RPH3A: variants seen among roughly 807,000 people sequenced by gnomAD.
The protein encoded by RPH3A is rabphilin 3A.
A neutral mutation model predicts 102.2 loss-of-function variants in RPH3A; 48 were observed. The observed-to-expected ratio is 0.47, with a 90% CI of 0.37 to 0.60. RPH3A has a LOEUF of 0.60. Among genes scored for constraint, RPH3A ranks in the 20% least tolerant of loss-of-function variants. The pLI, the probability that RPH3A is intolerant of heterozygous loss-of-function variation, is 0.00. For synonymous variants in RPH3A, 310 were observed against 324.3 expected (o/e 0.96, Z 0.47); for missense variants, 781 against 910.1 (o/e 0.86, Z 1.83).
chr12:112,861,129 C>A (rs2042505779), intron 5 of RPH3A, among the ~76,000 whole-genome samples: 1 of 152,186 alleles, frequency 6.6e-6, no homozygotes, highest in Non-Finnish European at 1.5e-5. Context: ...CACCATGCTG[C>A]CACAGAGGTT....
chr12:112,694,671 C>T (rs1367423857), intron 1 of RPH3A, among the ~76,000 whole-genome samples: 1 of 148,022 alleles, frequency 6.8e-6, no homozygotes, highest in Non-Finnish European at 1.5e-5. Context: ...CACACACACA[C>T]ACACACACAC....
At chr12:112,733,470 A>G (rs988160047) in intron 1 of RPH3A, among the ~76,000 whole-genome samples, 5 of 152,148 alleles carry the variant, frequency 3.3e-5, no homozygotes, top group African/African-American at 1.2e-4. Flanking sequence ...AGGAGTGTGC[A>G]GGGGAAGCCT....
intron 1 of RPH3A, among the ~76,000 whole-genome samples, chr12:112,587,329 T>C (rs1306280788): frequency 6.6e-6 from 1 of 152,238 alleles, no homozygotes; most frequent in Non-Finnish European, 1.5e-5. Flanking sequence ...GGCAAGTTCA[T>C]AGTCTTAATA....
intron 1 of RPH3A, among the ~76,000 whole-genome samples, chr12:112,701,177 C>G (rs2040391340): frequency 6.6e-6 from 1 of 152,122 alleles, no homozygotes; most frequent in African/African-American, 2.4e-5. Flanking sequence ...TTTCAACCAT[C>G]AAAGCCACAG....
chr12:112,717,800 C>T (rs2040524251), intron 1 of RPH3A, among the ~76,000 whole-genome samples: 1 of 149,698 alleles, frequency 6.7e-6, no homozygotes, highest in African/African-American at 2.5e-5. Context: ...TTAACTTTAT[C>T]ACAAATTGCC....
rs150074118 is a variant in RPH3A, at chr12:112,711,869, G to C, written c.-139-80274G>C. Among the ~76,000 whole-genome samples, 296 of 152,150 alleles carry C rather than the reference G, an allele frequency of 1.9e-3. 3 individuals are homozygous for C. Among genetic ancestry groups the C allele is most frequent in the African/African-American group, 7.0e-3 (289 of 41,500 alleles). Reference sequence around the variant, plus strand: ...TTTTTTGAGACAGAGTTTTGTTCTTGTTGCCCAGGCTGGAGTGCAATGGTG... The same window carrying C: ...TTTTTTGAGACAGAGTTTTGTTCTTCTTGCCCAGGCTGGAGTGCAATGGTG... On this transcript the variant is annotated intron_variant, in intron 1 of 21. Transcript: ENST00000543106.
At chr12:112,806,792 C>T (rs920281128) in intron 2 of RPH3A, among the ~76,000 whole-genome samples, 2 of 151,972 alleles carry the variant, frequency 1.3e-5, no homozygotes. Context: ...TAGCATCTTC[C>T]TGTGAGCAGG....
At chr12:112,736,308 C>A (rs1382053467) in intron 1 of RPH3A, among the ~76,000 whole-genome samples, 1 of 152,226 alleles carries the variant, frequency 6.6e-6, no homozygotes, top group African/African-American at 2.4e-5. Flanking sequence ...TGTTTGAGAA[C>A]CATTGCTTAG....
intron 3 of RPH3A, among the ~76,000 whole-genome samples, chr12:112,829,422 C>T (rs1033519149): frequency 5.9e-5 from 9 of 152,012 alleles, no homozygotes; most frequent in Non-Finnish European, 1.2e-4. Context: ...AGGCATGCAC[C>T]ACCACGCCTG....
chr12:112,870,840 G>A (rs1419474004), intron 10 of RPH3A, among the ~76,000 whole-genome samples: 1 of 152,214 alleles, frequency 6.6e-6, no homozygotes, highest in East Asian at 1.9e-4. Flanking sequence ...CTATGGTTCA[G>A]ATGAACAGAG....
intron 1 of RPH3A, among the ~76,000 whole-genome samples, chr12:112,661,496 T>C (rs1375881541): frequency 6.6e-6 from 1 of 152,196 alleles, no homozygotes; most frequent in Non-Finnish European, 1.5e-5. Context: ...AAGTGGTTGG[T>C]AAATGTGCAC....
intron 1 of RPH3A, among the ~76,000 whole-genome samples, chr12:112,614,769 G>T (rs1592908187): frequency 7.0e-6 from 1 of 143,666 alleles, no homozygotes; most frequent in Admixed American, 7.0e-5. Flanking sequence ...TTGAATGTTA[G>T]ATATCACTAC....
intron 1 of RPH3A, among the ~76,000 whole-genome samples, chr12:112,637,572 A>G (rs1199309945): frequency 6.6e-6 from 1 of 152,178 alleles, no homozygotes; most frequent in African/African-American, 2.4e-5. Context: ...GGATGGTTAT[A>G]TATGTTTGAA....
At chr12:112,890,728 C>A in intron 18 of RPH3A, 121 bp from the exon 19 acceptor site, 1 of 1,092,228 alleles carries the variant, frequency 9.2e-7, no homozygotes, top group Non-Finnish European at 1.3e-6. Context: ...GTCCCTGGTA[C>A]TGGCTCCCTA....
intron 1 of RPH3A, among the ~76,000 whole-genome samples, chr12:112,785,292 A>G (rs1310396910): frequency 3.3e-5 from 5 of 152,036 alleles, no homozygotes; most frequent in Non-Finnish European, 7.4e-5. Flanking sequence ...CAAACCTAGC[A>G]TACCCAGAGG....
upstream of RPH3A, among the ~76,000 whole-genome samples, chr12:112,790,725 C>G (rs898182944): frequency 2.6e-5 from 4 of 152,176 alleles, no homozygotes; most frequent in African/African-American, 9.7e-5. Flanking sequence ...CTTCAGAAAG[C>G]CAGTCTGGAT....
intron 1 of RPH3A, among the ~76,000 whole-genome samples, chr12:112,750,669 C>G (rs2040780526): frequency 6.6e-6 from 1 of 152,170 alleles, no homozygotes; most frequent in South Asian, 2.1e-4. Context: ...TCCAACTCCC[C>G]TCTTGAAACA....
At chr12:112,765,349 G>A (rs1794828117) in intron 1 of RPH3A, among the ~76,000 whole-genome samples, 1 of 150,936 alleles carries the variant, frequency 6.6e-6, no homozygotes, top group South Asian at 2.1e-4. Flanking sequence ...CTAAATTTTG[G>A]CTCTGACAAG....
Position 112,666,883 on chromosome 12 carries a change from T to A in RPH3A, c.-140+91564T>A, listed in dbSNP as rs573694121. ...GGGTTTTATTTTCATCATGACTGAT[T>A]TCCAGTCAGCAAGGACTTAGCTTTA... On this transcript the variant is annotated intron_variant, in intron 1 of 21. Coordinates refer to the RPH3A transcript ENST00000543106. Among the ~76,000 whole-genome samples, 9 of 152,370 alleles carry A rather than the reference T, an allele frequency of 5.9e-5. No homozygotes were observed. The South Asian group carries it at 1.9e-3, about 32-fold the overall frequency.
Sources: gnomAD v4.1 joint callset for allele counts (sites outside exome capture counted in the v4.1 genomes callset) on GRCh38, gnomAD v4.1.1 for gene constraint, MANE v1.5 for transcripts, NCBI Gene and HGNC (gene_info 2026-07-23, HGNC 2026-07-21) for gene names.